Variants in PIK3C2A observed in about 807,000 individuals in gnomAD.
PIK3C2A encodes phosphatidylinositol 4-phosphate 3-kinase C2 domain-containing subunit alpha.
Under a neutral mutation model 204.5 loss-of-function variants are expected in PIK3C2A, and 97 were observed. The ratio of observed to expected loss-of-function variants is 0.47; its 90% CI spans 0.40 to 0.56. The LOEUF is 0.56. Ranked by LOEUF, PIK3C2A falls within the 20% of genes least tolerant of loss-of-function variation. The pLI is 0.00. For synonymous variants in PIK3C2A, 653 were observed against 664.4 expected, an observed-to-expected ratio of 0.98 and a Z score of 0.26; for missense variants, 1,735 against 1,969.2, an observed-to-expected ratio of 0.88 and a Z score of 2.25.
chr11:17,196,869 G>A (rs921315567), intron 1 of PIK3C2A, among the ~76,000 whole-genome samples: 5 of 151,742 alleles, frequency 3.3e-5, no homozygotes, highest in East Asian at 1.9e-4. Flanking sequence ...GTGAGCCACC[G>A]TGCCCGGCAA....
At chr11:17,094,659 GGTT>G (rs1848402302) in intron 27 of PIK3C2A, among the ~76,000 whole-genome samples, 1 of 152,106 alleles carries the variant, frequency 6.6e-6, no homozygotes, top group Non-Finnish European at 1.5e-5. Flanking sequence ...GGGAGACAGA[GGTT>G]GCAGTGAACC....
intron 1 of PIK3C2A, chr11:17,194,193 T>G (rs993802469): frequency 4.0e-6 from 2 of 499,242 alleles, no homozygotes; most frequent in African/African-American, 4.0e-5. Context: ...GGGCTTGGGT[T>G]GTGCCGGCCA....
At position 17,168,756 on chromosome 11, in the gene PIK3C2A, G is replaced by A. The variant is rs778289546; in HGVS notation, c.986C>T (p.Ser329Phe). 8 of 1,613,602 alleles carry A rather than the reference G, an allele frequency of 5.0e-6. No individual in the cohort carries two copies. In the Admixed American group the frequency reaches 1.2e-4, roughly 24 times the overall value. The change falls in exon 2 of 33, where the codon TCT becomes TTT. Residue 329 changes from serine to phenylalanine, a missense_variant. By Grantham distance (155) the Ser-to-Phe change is radical. Transcript: ENST00000691414. ...CTGGCTTCTTGTAACAGTTGCCACA[G>A]AAAGGGATTTTCCATTCACCTTTCT... ...LERKVNGKSL[S>F]VATVTRSQSL...
In PIK3C2A at chr11:17,114,392, G is replaced by T; in HGVS notation, c.3290C>A (p.Pro1097Gln). The change falls in exon 20 of 33, where the codon CCA becomes CAA. Residue 1097 changes from proline (P) to glutamine (Q), a missense_variant. By Grantham distance (76) the Pro-to-Gln change is moderately conservative (BLOSUM62 -1). Around this residue, in one of 6 missense-constraint regions of PIK3C2A, gnomAD observed 567 missense variants for 576.0 expected, o/e 0.98. Transcript: ENST00000691414. ...QKNKCRLPLKPSLVAKELNIK... is the reference protein window; with the variant it reads ...QKNKCRLPLKQSLVAKELNIK... ...ATTTAATTCTTTTGCCACTAGACTT[G>T]GCTTGAGAGGGAGACGGCATTTATT... is the stretch of plus-strand genomic sequence containing the variant. 1 of 1,575,804 alleles carries T rather than the reference G, an allele frequency of 6.3e-7. No homozygotes were observed. The highest frequency in any genetic ancestry group is 8.7e-7 in the Non-Finnish European group (1 of 1,145,438).
chr11:17,136,273 C>T (rs1253172466), intron 9 of PIK3C2A, among the ~76,000 whole-genome samples: 1 of 152,184 alleles, frequency 6.6e-6, no homozygotes, highest in Non-Finnish European at 1.5e-5. Context: ...CACAGTTTGA[C>T]ATCCACCTGT....
intron 1 of PIK3C2A, among the ~76,000 whole-genome samples, chr11:17,186,102 C>G (rs1033482365): frequency 7.9e-5 from 12 of 152,170 alleles, no homozygotes; most frequent in African/African-American, 2.7e-4. Context: ...ACCTTATGCT[C>G]CCAACTCAGG....
intron 21 of PIK3C2A, among the ~76,000 whole-genome samples, chr11:17,110,952 G>A (rs996404412): frequency 6.6e-6 from 1 of 151,988 alleles, no homozygotes; most frequent in Non-Finnish European, 1.5e-5. Context: ...CTATCACCCA[G>A]GCTGGAGTGC....
intron 1 of PIK3C2A, 72 bp from the exon 2 acceptor site, chr11:17,169,878 CAT>C: frequency 1.6e-6 from 1 of 629,678 alleles, no homozygotes; most frequent in Non-Finnish European, 2.7e-6. Flanking sequence ...CAACCTACCC[CAT>C]ATGACTTTGG....
intron 25 of PIK3C2A, among the ~76,000 whole-genome samples, chr11:17,100,323 C>G (rs1848589683): frequency 6.6e-6 from 1 of 150,412 alleles, no homozygotes; most frequent in Non-Finnish European, 1.5e-5. Context: ...AAGCAATTCT[C>G]CTGCCTCAGC....
At chr11:17,135,282 A>G (rs1210379607) in intron 9 of PIK3C2A, 123 bp from the exon 10 acceptor site, 1 of 881,882 alleles carries the variant, frequency 1.1e-6, no homozygotes, top group Non-Finnish European at 1.8e-6. Flanking sequence ...AGAATTAATA[A>G]AACGATAAAT....
intron 1 of PIK3C2A, 86 bp from the exon 2 acceptor site, chr11:17,169,892 C>T (rs568563367): frequency 1.7e-6 from 1 of 583,604 alleles, no homozygotes; most frequent in African/African-American, 1.9e-5. Flanking sequence ...TGACTTTGGA[C>T]TTTAAGCCAC....
chr11:17,180,539 AG>A (rs1223176631), intron 1 of PIK3C2A, among the ~76,000 whole-genome samples: 7 of 146,624 alleles, frequency 4.8e-5, no homozygotes, highest in African/African-American at 7.5e-5. Context: ...AAAAAAAAAA[AG>A]GCTAGGCGCA....
intron 18 of PIK3C2A, among the ~76,000 whole-genome samples, chr11:17,118,409 A>C (rs569520102): frequency 6.6e-6 from 1 of 152,326 alleles, no homozygotes; most frequent in South Asian, 2.1e-4. Flanking sequence ...TTTAAGCTAT[A>C]TAAGCAAGTC....
chr11:17,128,304 G>A (rs1413401627), intron 13 of PIK3C2A, among the ~76,000 whole-genome samples: 1 of 149,306 alleles, frequency 6.7e-6, no homozygotes, highest in Non-Finnish European at 1.5e-5. Flanking sequence ...GGGTGGGGAG[G>A]GGCTCACTGA....
At chr11:17,190,571 T>A (rs1851905944) in intron 1 of PIK3C2A, among the ~76,000 whole-genome samples, 1 of 98,650 alleles carries the variant, frequency 1.0e-5, no homozygotes, top group Non-Finnish European at 2.0e-5. Context: ...CAAGACTCTG[T>A]CTCAAAAAAA....
intron 22 of PIK3C2A, among the ~76,000 whole-genome samples, chr11:17,106,703 G>A (rs552273115): frequency 1.1e-3 from 163 of 152,232 alleles, no homozygotes; most frequent in African/African-American, 3.7e-3. Context: ...CAGCTTCCCA[G>A]AGTGCTGGGA....
At chr11:17,119,418 A>G (rs527432780) in intron 16 of PIK3C2A, 105 bp from the exon 17 acceptor site, 1 of 705,942 alleles carries the variant, frequency 1.4e-6, no homozygotes, top group East Asian at 2.7e-5. Context: ...GAACACTAAG[A>G]TATCTCTTTT....
chr11:17,119,763 G>A (rs1441048323), intron 16 of PIK3C2A, 23 bp downstream of exon 16: 10 of 1,426,104 alleles, frequency 7.0e-6, no homozygotes, highest in Non-Finnish European at 9.5e-6. Context: ...TAAAACAAGA[G>A]CAAATAAATG....
At chr11:17,098,478 C>T (rs1019619057) in intron 26 of PIK3C2A, among the ~76,000 whole-genome samples, 6 of 152,296 alleles carry the variant, frequency 3.9e-5, no homozygotes, top group African/African-American at 1.4e-4. Flanking sequence ...TCATAGACTC[C>T]AGAACTGTGA....
Sources: allele counts gnomAD v4.1 joint callset (sites outside exome capture counted in the v4.1 genomes callset), GRCh38; gene constraint gnomAD v4.1.1; regional missense constraint gnomAD v4.1.1; transcripts MANE v1.5; gene names NCBI Gene and HGNC (gene_info 2026-07-23, HGNC 2026-07-21).